The following GUF1 variants were observed in gnomAD, a reference collection of about 807,000 sequenced individuals.
The protein encoded by GUF1 is GTP binding elongation factor GUF1, also known as translation factor GUF1, mitochondrial.
A neutral mutation model predicts 82.4 loss-of-function variants in GUF1; 78 were observed. The observed-to-expected ratio is 0.95, with a 90% confidence interval of 0.79 to 1.14. The LOEUF (loss-of-function observed/expected upper bound fraction) is 1.14, where lower values mean the gene tolerates loss of function less well. Ranked by LOEUF, GUF1 falls within the 50% of genes most tolerant of loss-of-function variation. GUF1 has a pLI of 0.00. For missense variants in GUF1, 814 were observed against 798.2 expected, an observed-to-expected ratio of 1.02 and a Z score of -0.24; for synonymous variants, 279 against 282.3, an observed-to-expected ratio of 0.99 and a Z score of 0.12.
rs1229274449 is a variant in GUF1, at chr4:44,686,672, A to AGT, written c.898_899dup (p.Gly301Ter). On this transcript the variant is annotated frameshift_variant, in exon 8 of 17. Transcript: ENST00000281543. LOFTEE classifies it high-confidence loss of function. ...CTCAAAAGACATACGAAGTTAATGA[A>AGT]GTAGGAGTCTTGAATCCTAATGAGC... 1.2e-6 allele frequency: 2 copies of AGT among 1,611,784 alleles called. No individual in the cohort carries two copies. Among genetic ancestry groups the AGT allele is most frequent in the Middle Eastern group, 1.7e-4 (1 of 6,048 alleles).
intron 16 of GUF1, among the ~76,000 whole-genome samples, chr4:44,698,076 G>A (rs1417463824): frequency 6.6e-6 from 1 of 152,154 alleles, no homozygotes; most frequent in Admixed American, 6.5e-5. Flanking sequence ...AGCTCAGGAG[G>A]CGGAGGTTAC....
Position 44,690,764 on chromosome 4 carries a change from C to A in GUF1, c.1383C>A (p.Pro461=). 1.3e-6 allele frequency: 2 copies of A among 1,595,694 alleles called. No homozygotes were observed. Among genetic ancestry groups the A allele is most frequent in the South Asian group, 1.1e-5 (1 of 90,142 alleles). ...EITIINPAQF[P]DKSKVTEYLE... is the part of the protein sequence containing the mutation. ...CAATTATCAATCCTGCACAATTCCC[C>A]GATAAATCAAAAGTAACAGAATATT... Residue 461 remains proline (P), a synonymous_variant, in exon 12 of 17, where the codon CCC becomes CCA. Transcript: ENST00000281543.
chr4:44,695,769 T>A, intron 15 of GUF1, 35 bp downstream of exon 15: 1 of 1,598,748 alleles, frequency 6.3e-7, no homozygotes, highest in Middle Eastern at 1.7e-4. Context: ...TTGAGCCAGT[T>A]TCAGAAATGA....
Position 44,681,054 on chromosome 4 carries a change from A to T in GUF1, c.427-69A>T, listed in dbSNP as rs571102384. 1.5e-5 allele frequency: 20 copies of T among 1,352,468 alleles called. No individual in the cohort carries two copies. In the Middle Eastern group the frequency reaches 1.6e-3, roughly 110 times the overall value. 83.8% of individuals were successfully genotyped at this position (1,352,468 alleles called of 1,614,324 possible). On this transcript the variant is annotated intron_variant, in intron 3 of 16. Transcript: ENST00000281543. ...CAGCTTTTATCAAGTAAAGTCAATA[A>T]ATTTGCCATAATGCTCTTTCCTAAA... is the stretch of plus-strand genomic sequence containing the variant.
At chr4:44,678,814 G>A (rs1172319903) in intron 1 of GUF1, 27 bp downstream of exon 1, 2 of 1,537,478 alleles carry the variant, frequency 1.3e-6, no homozygotes, top group African/African-American at 1.4e-5. Context: ...ATCTGATTTA[G>A]CCAAGTTTTC....
chr4:44,697,408 T>C lies in GUF1; in HGVS notation c.1836T>C (p.Thr612=), dbSNP rs764776406. The change falls in exon 16 of 17, where the codon ACT becomes ACC. Residue 612 remains threonine, a splice_region_variant and synonymous_variant. Transcript: ENST00000281543. ...AIGSKIIARE[T]VKAYRKNVLA... is the part of the protein sequence containing the mutation. Reference sequence around the variant, plus strand: ...TTAAACGAATTTTTCTCTTTTACAGTGTGAAAGCCTATAGGAAAAACGTTT... The same window carrying C: ...TTAAACGAATTTTTCTCTTTTACAGCGTGAAAGCCTATAGGAAAAACGTTT... 1.3e-6 allele frequency: 2 copies of C among 1,558,124 alleles called. No homozygotes were observed. The highest frequency in any genetic ancestry group is 1.8e-6 in the Non-Finnish European group (2 of 1,140,502).
Position 44,681,330 on chromosome 4 carries a change from A to T in GUF1, c.507+127A>T, listed in dbSNP as rs572483100. 4.1e-4 allele frequency: 274 copies of T among 667,874 alleles called. 3 individuals carry two copies. The highest frequency in any genetic ancestry group is 2.8e-4 in the Non-Finnish European group (105 of 378,070). 41.4% of individuals were successfully genotyped at this position (667,874 alleles called of 1,614,324 possible). ...GAAAAATAGATTTAATCTGTTACTT[A>T]CTGAAAATCATATGGTTTCATCCTG... On this transcript the variant is annotated intron_variant, in intron 4 of 16. Coordinates refer to ENST00000281543, the MANE Select transcript of GUF1 (RefSeq NM_021927.3).
intron 2 of GUF1, 46 bp from the exon 3 acceptor site, chr4:44,680,648 T>C: frequency 6.9e-7 from 1 of 1,457,338 alleles, no homozygotes; most frequent in South Asian, 1.4e-5. Flanking sequence ...TATTCTCTTT[T>C]TTTTTTAAAG....
Position 44,694,419 on chromosome 4 carries a change from T to C in GUF1, c.1621T>C (p.Tyr541His). 1.9e-6 allele frequency: 3 copies of C among 1,607,800 alleles called. No individual in the cohort carries two copies. Among genetic ancestry groups the C allele is most frequent in the Non-Finnish European group, 1.7e-6 (2 of 1,174,894 alleles). Residue 541 changes from tyrosine to histidine, a missense_variant, in exon 14 of 17, where the codon TAC (tyrosine) becomes CAC (histidine). Tyr to His is a moderately conservative substitution (Grantham distance 83). Coordinates refer to ENST00000281543, the MANE Select transcript of GUF1 (RefSeq NM_021927.3). ...GGACTTTTTTCCTTTTAGTTTTGAT[T>C]ACGAAGATGCAGGCTACCAGACTGC... ...SLSSGYASFD[Y>H]EDAGYQTAEL...
chr4:44,690,942 T>C, intron 12 of GUF1, 82 bp downstream of exon 12: 1 of 1,017,190 alleles, frequency 9.8e-7, no homozygotes, highest in East Asian at 2.5e-5. Flanking sequence ...TTAAAAGATT[T>C]CTTTCTGCTG....
At chr4:44,690,496 T>A (rs1372932972) in intron 11 of GUF1, among the ~76,000 whole-genome samples, 1 of 151,814 alleles carries the variant, frequency 6.6e-6, no homozygotes, top group Non-Finnish European at 1.5e-5. Context: ...CTATAATGTT[T>A]TATAAGTGTC....
At chr4:44,692,842 A>C (rs1222573394) in intron 13 of GUF1, among the ~76,000 whole-genome samples, 1 of 151,968 alleles carries the variant, frequency 6.6e-6, no homozygotes, top group Admixed American at 6.6e-5. Flanking sequence ...GGGCATATTA[A>C]AATTACTAGA....
Position 44,680,433 on chromosome 4 carries a change from C to T in GUF1, c.166-8C>T. On this transcript the variant is annotated splice_region_variant and splice_polypyrimidine_tract_variant and intron_variant, in intron 1 of 16. Coordinates refer to ENST00000281543, the MANE Select transcript of GUF1 (RefSeq NM_021927.3). ...TATACTCCTAAATGTGGTATTTCCCCTTTCTAGGAAAAACTTGACATGTCT... is the reference window on the plus strand; with the variant it reads ...TATACTCCTAAATGTGGTATTTCCCTTTTCTAGGAAAAACTTGACATGTCT... 4 of 1,430,606 alleles carry T rather than the reference C, an allele frequency of 2.8e-6. No homozygotes were observed. Among genetic ancestry groups the T allele is most frequent in the South Asian group, 2.4e-5 (2 of 83,410 alleles). 88.6% of individuals were successfully genotyped at this position (1,430,606 alleles called of 1,614,324 possible).
At chr4:44,679,759 A>C (rs190458854) in intron 1 of GUF1, among the ~76,000 whole-genome samples, 32 of 133,176 alleles carry the variant, frequency 2.4e-4, no homozygotes, top group Non-Finnish European at 4.8e-4. Flanking sequence ...TATGCAGTTG[A>C]TTGGAAAAAA....
At chr4:44,689,802 T>G in intron 10 of GUF1, 41 bp from the exon 11 acceptor site, 1 of 1,521,696 alleles carries the variant, frequency 6.6e-7, no homozygotes. Flanking sequence ...ATGAAGCCCA[T>G]GGGACATAAA....
chr4:44,695,622 G>T lies in GUF1; in HGVS notation c.1723G>T (p.Ala575Ser), dbSNP rs1422512507. 1 of 1,609,742 alleles carries T rather than the reference G, an allele frequency of 6.2e-7. No homozygotes were observed. The highest frequency in any genetic ancestry group is 8.5e-7 in the Non-Finnish European group (1 of 1,178,318). ...TGTATTTTTCTGTCTCAGAGACAAA[G>T]CTCATTCAATTGGCAAAGCCATATG... Reference protein sequence around the residue: ...ELVTVVHKDKAHSIGKAICER... With the variant: ...ELVTVVHKDKSHSIGKAICER... The change falls in exon 15 of 17, where the codon GCT becomes TCT. Residue 575 changes from alanine to serine, a missense_variant. Physicochemically the swap from Ala to Ser is moderately conservative, Grantham distance 99 (BLOSUM62 1). Transcript: ENST00000281543.
intron 6 of GUF1, 80 bp from the exon 7 acceptor site, chr4:44,685,877 TGA>T: frequency 1.1e-6 from 1 of 898,130 alleles, no homozygotes; most frequent in Non-Finnish European, 1.8e-6. Context: ...TTTTTCCTTC[TGA>T]TCATAAGTCA....
Position 44,688,064 on chromosome 4 carries a change from A to G in GUF1, c.996A>G (p.Gln332=), listed in dbSNP as rs777296132. 2 of 1,612,502 alleles carry G rather than the reference A, an allele frequency of 1.2e-6. No individual in the cohort carries two copies. The highest frequency in any genetic ancestry group is 8.5e-7 in the Non-Finnish European group (1 of 1,178,830). Residue 332 remains glutamine, a synonymous_variant, in exon 9 of 17, where the codon CAA becomes CAG. Transcript: ENST00000281543. ...GGATGAAAGATGTCACTGAAGCGCA[A>G]ATAGGAGATACATTATGTTTACATA... ...IAGMKDVTEA[Q]IGDTLCLHKQ...
intron 8 of GUF1, among the ~76,000 whole-genome samples, chr4:44,687,518 T>TA (rs932526913): frequency 2.0e-5 from 3 of 151,908 alleles, no homozygotes; most frequent in African/African-American, 7.2e-5. Context: ...TTTTTTTTTT[T>TA]AACTAAGCTT....
Sources: gnomAD v4.1 joint callset for allele counts (sites outside exome capture counted in the v4.1 genomes callset) on GRCh38, gnomAD v4.1.1 for gene constraint, MANE v1.5 for transcripts, NCBI Gene and HGNC (gene_info 2026-07-23, HGNC 2026-07-21) for gene names.